Variants in CMIP observed in about 807,000 individuals in gnomAD.
CMIP encodes c-Maf inducing protein, also known as C-Maf-inducing protein.
Under a neutral mutation model 97.3 loss-of-function variants are expected in CMIP, and 13 were observed. The ratio of observed to expected loss-of-function variants is 0.13; its 90% CI spans 0.09 to 0.21. The LOEUF (loss-of-function observed/expected upper bound fraction) is 0.21, where lower values mean the gene tolerates loss of function less well. Ranked by LOEUF, CMIP falls within the 10% of genes least tolerant of loss-of-function variation. The pLI is 1.00. For synonymous variants in CMIP, 538 were observed against 436.3 expected (o/e 1.23, Z -2.91); for missense variants, 847 against 1,024.9 (o/e 0.83, Z 2.37).
chr16:81,670,103 T>TA, intron 7 of CMIP, 39 bp from the exon 8 acceptor site: 1 of 1,574,274 alleles, frequency 6.4e-7, no homozygotes. Context: ...CTGCCCTGCC[T>TA]AGCACCGTCC....
chr16:81,661,151 C>T (rs1358558420), intron 6 of CMIP, among the ~76,000 whole-genome samples: 1 of 152,238 alleles, frequency 6.6e-6, no homozygotes, highest in Non-Finnish European at 1.5e-5. Context: ...CAAAGAGTCA[C>T]AAGGGGAACA....
intron 3 of CMIP, chr16:81,645,688 T>C (rs111585479): frequency 0.045 from 64,562 of 1,442,638 alleles, 1,736 homozygotes; most frequent in Admixed American, 0.073. Context: ...CTCTGCCTGC[T>C]GTCTCTGCTT....
intron 1 of CMIP, among the ~76,000 whole-genome samples, chr16:81,596,399 G>T (rs796738574): frequency 6.6e-6 from 1 of 151,576 alleles, no homozygotes; most frequent in Non-Finnish European, 1.5e-5. Context: ...CCTGCTACTC[G>T]GGAGGCTGAG....
At chr16:81,565,668 A>G (rs2090967087) in intron 1 of CMIP, among the ~76,000 whole-genome samples, 1 of 152,158 alleles carries the variant, frequency 6.6e-6, no homozygotes, top group Non-Finnish European at 1.5e-5. Context: ...TCCTCATGGC[A>G]GCGGGGCAGG....
chr16:81,472,427 G>A (rs543830084), intron 1 of CMIP, among the ~76,000 whole-genome samples: 6 of 152,344 alleles, frequency 3.9e-5, no homozygotes, highest in Non-Finnish European at 5.9e-5. Context: ...GGTATCCTGT[G>A]TGTGGCGTGC....
rs578077561 is a variant in CMIP, at chr16:81,663,187, C to T, written c.745-1082C>T. Among the ~76,000 whole-genome samples the T allele has an allele frequency of 7.2e-5, 11 of 152,184 alleles. No homozygotes were observed. In the East Asian group the frequency reaches 7.7e-4, roughly 11 times the overall value. On this transcript the variant is annotated intron_variant, in intron 6 of 20. Transcript: ENST00000537098. ...ACCTGTCCACACAAACATCTACATG[C>T]CGACGTTACAGCAGCTGTATTCATG...
chr16:81,577,779 A>G lies in CMIP; in HGVS notation c.301-29788A>G, dbSNP rs370013507. Among the ~76,000 whole-genome samples the G allele has an allele frequency of 1.1e-3, 152 of 135,202 alleles. 1 individual carries two copies. Among genetic ancestry groups the G allele is most frequent in the Middle Eastern group, 4.2e-3 (1 of 236 alleles). The allele number at this position is 135,202 out of a possible 152,430, so 88.7% of individuals were successfully genotyped here. ...CGCTATTATCACTATCACCATCACCATCATCACCATCACCTTCATCATCAC... is the reference window on the plus strand; with the variant it reads ...CGCTATTATCACTATCACCATCACCGTCATCACCATCACCTTCATCATCAC... On this transcript the variant is annotated intron_variant, in intron 1 of 20. Transcript: ENST00000537098.
At chr16:81,634,593 C>T (rs7189890) in intron 3 of CMIP, among the ~76,000 whole-genome samples, 50,970 of 152,086 alleles carry the variant, frequency 0.34, 9,131 homozygotes, top group Non-Finnish European at 0.4. Context: ...TAGAGTCTGC[C>T]GCACGAGTGT....
chr16:81,454,978 CTG>C (rs1906455637), intron 1 of CMIP, among the ~76,000 whole-genome samples: 3 of 152,290 alleles, frequency 2.0e-5, no homozygotes, highest in African/African-American at 4.8e-5. Flanking sequence ...TTCCGGGAGT[CTG>C]TGCAGTTTTT....
rs9930194 is a variant in CMIP at position 81,678,260 on chromosome 16, C to G, written c.1035-15C>G. 4 of 1,564,676 alleles carry G rather than the reference C, an allele frequency of 2.6e-6. No individual in the cohort carries two copies. The East Asian group carries it at 6.8e-5, about 27-fold the overall frequency. Reference sequence around the variant, plus strand: ...GTGCCTGTACTCATGTGCCCTCTCCCGCCTCTTCCCCCAGCCGCGACAATT... The same window carrying G: ...GTGCCTGTACTCATGTGCCCTCTCCGGCCTCTTCCCCCAGCCGCGACAATT... On this transcript the variant is annotated splice_polypyrimidine_tract_variant and intron_variant, in intron 9 of 20. Coordinates refer to ENST00000537098, the MANE Select transcript of CMIP (RefSeq NM_198390.3).
chr16:81,596,808 A>G (rs911940210), intron 1 of CMIP, among the ~76,000 whole-genome samples: 19 of 152,298 alleles, frequency 1.2e-4, no homozygotes, highest in Middle Eastern at 3.4e-3. Flanking sequence ...ATACCAGACA[A>G]TTGGTCACCC....
At chr16:81,625,868 T>C (rs887744568) in intron 3 of CMIP, among the ~76,000 whole-genome samples, 2 of 152,204 alleles carry the variant, frequency 1.3e-5, no homozygotes, top group Non-Finnish European at 2.9e-5. Context: ...AAGATGGTTT[T>C]TCCCCAGGGG....
intron 12 of CMIP, 27 bp downstream of exon 12, chr16:81,693,211 C>T: frequency 6.2e-7 from 1 of 1,604,558 alleles, no homozygotes; most frequent in Non-Finnish European, 8.5e-7. Context: ...CGCCCTCATT[C>T]CATTCTGGCA....
chr16:81,695,012 C>A (rs1237241517), intron 13 of CMIP, among the ~76,000 whole-genome samples: 1 of 152,218 alleles, frequency 6.6e-6, no homozygotes, highest in African/African-American at 2.4e-5. Context: ...TTAATTCAAA[C>A]CCAGCCTTTG....
At chr16:81,538,130 A>G (rs950292512) in intron 1 of CMIP, among the ~76,000 whole-genome samples, 5 of 152,160 alleles carry the variant, frequency 3.3e-5, no homozygotes, top group African/African-American at 1.2e-4. Flanking sequence ...CCATTCTTAG[A>G]TGGGGGAACT....
Position 81,582,559 on chromosome 16 carries a change from G to A in CMIP, c.301-25008G>A, listed in dbSNP as rs77852234. ...TCTGTGCACCTTGTTGATGGTAAAC[G>A]GAGGAACACCCTGCTTATTCAGAGA... On this transcript the variant is annotated intron_variant, in intron 1 of 20. Coordinates refer to ENST00000537098, the MANE Select transcript of CMIP (RefSeq NM_198390.3). 3.6e-3 allele frequency among the ~76,000 whole-genome samples: 546 copies of A among 152,192 alleles called. 4 individuals carry two copies. Among genetic ancestry groups the A allele is most frequent in the Non-Finnish European group, 6.3e-3 (429 of 68,012 alleles).
intron 7 of CMIP, among the ~76,000 whole-genome samples, chr16:81,668,830 C>G (rs552671095): frequency 7.9e-4 from 120 of 151,166 alleles, no homozygotes; most frequent in Non-Finnish European, 1.3e-3. Context: ...CACTCACTGC[C>G]TTCCACACCC....
intron 1 of CMIP, among the ~76,000 whole-genome samples, chr16:81,467,051 G>A (rs529616433): frequency 6.6e-6 from 1 of 152,170 alleles, no homozygotes; most frequent in South Asian, 2.1e-4. Context: ...GTCCATCCTC[G>A]CTGGGCAGGA....
chr16:81,626,339 G>A (rs1189847377), intron 3 of CMIP, among the ~76,000 whole-genome samples: 1 of 151,886 alleles, frequency 6.6e-6, no homozygotes. Context: ...GTGTGTCTGT[G>A]TGTGGTGTGT....
Sources: gnomAD v4.1 joint callset for allele counts (sites outside exome capture counted in the v4.1 genomes callset) on GRCh38, gnomAD v4.1.1 for gene constraint, MANE v1.5 for transcripts, NCBI Gene and HGNC (gene_info 2026-07-23, HGNC 2026-07-21) for gene names.